Variants in ZZZ3 observed in about 807,000 individuals in gnomAD.
ZZZ3 encodes the protein ZZ-type zinc finger-containing protein 3.
Under a neutral mutation model 95.2 loss-of-function variants are expected in ZZZ3, and 22 were observed. The observed-to-expected ratio is 0.23, with a 90% CI of 0.17 to 0.33. ZZZ3 has a LOEUF of 0.33. ZZZ3 is among the 10% of genes least tolerant of loss of function. The pLI is 1.00. For missense variants in ZZZ3, 885 were observed against 1,066.5 expected, an observed-to-expected ratio of 0.83 and a Z score of 2.37; for synonymous variants, 335 against 358.9, an observed-to-expected ratio of 0.93 and a Z score of 0.75.
intron 5 of ZZZ3, among the ~76,000 whole-genome samples, chr1:77,605,621 T>G (rs367553639): frequency 6.6e-6 from 1 of 152,190 alleles, no homozygotes; most frequent in South Asian, 2.1e-4. Flanking sequence ...ATGAGGACTT[T>G]GTCTTGCATC....
chr1:77,601,893 A>T (rs954043130), intron 5 of ZZZ3, among the ~76,000 whole-genome samples: 11 of 152,180 alleles, frequency 7.2e-5, no homozygotes, highest in African/African-American at 2.7e-4. Flanking sequence ...CCAAGAGCAT[A>T]ATCAATAGGC....
intron 1 of ZZZ3, among the ~76,000 whole-genome samples, chr1:77,644,177 TG>T (rs1383190640): frequency 1.3e-5 from 2 of 152,116 alleles, no homozygotes; most frequent in Non-Finnish European, 2.9e-5. Flanking sequence ...GTGATTCTCC[TG>T]CCTCAGCCTC....
At chr1:77,598,455 G>A (rs899387062) in intron 5 of ZZZ3, among the ~76,000 whole-genome samples, 2 of 152,048 alleles carry the variant, frequency 1.3e-5, no homozygotes, top group African/African-American at 2.4e-5. Context: ...GTGGACCTGC[G>A]CAGTTTGAAC....
chr1:77,595,065 G>A (rs995820947), intron 5 of ZZZ3, among the ~76,000 whole-genome samples: 1 of 151,742 alleles, frequency 6.6e-6, no homozygotes, highest in African/African-American at 2.4e-5. Flanking sequence ...CACTTACCAT[G>A]CACATTCACT....
At chr1:77,597,369 T>C (rs572624419) in intron 5 of ZZZ3, among the ~76,000 whole-genome samples, 30 of 152,256 alleles carry the variant, frequency 2.0e-4, no homozygotes, top group Non-Finnish European at 3.8e-4. Flanking sequence ...AAATAACTTA[T>C]GCAGACACTC....
At chr1:77,578,073 C>T (rs926121233) in intron 11 of ZZZ3, among the ~76,000 whole-genome samples, 2 of 152,014 alleles carry the variant, frequency 1.3e-5, no homozygotes, top group African/African-American at 2.4e-5. Flanking sequence ...CTAGATAATT[C>T]ACTCAACATA....
rs6671452 is a variant in ZZZ3, at chr1:77,657,058, G to A, written c.-402-15403C>T. Among the ~76,000 whole-genome samples, 1,074 of 152,250 alleles carry A rather than the reference G, an allele frequency of 7.1e-3. 15 individuals are homozygous for A. The highest frequency in any genetic ancestry group is 0.024 in the African/African-American group (998 of 41,544). On this transcript the variant is annotated intron_variant, in intron 1 of 14. Transcript: ENST00000370801. ...TGCAGCGGTATGATCTCGGCTCACT[G>A]AAACCTCCGCCTCCCGGGTTCAAGT...
At chr1:77,591,373 G>A (rs185779992) in intron 5 of ZZZ3, among the ~76,000 whole-genome samples, 90 of 151,750 alleles carry the variant, frequency 5.9e-4, no homozygotes, top group African/African-American at 2.1e-3. Flanking sequence ...ATTATAGATG[G>A]TGTCTCACTC....
intron 1 of ZZZ3, among the ~76,000 whole-genome samples, chr1:77,671,469 G>A (rs940621675): frequency 3.9e-5 from 6 of 152,154 alleles, no homozygotes; most frequent in Non-Finnish European, 7.3e-5. Flanking sequence ...AAACAGTACT[G>A]AAGATACATA....
At chr1:77,626,937 T>C (rs1667393619) in intron 5 of ZZZ3, among the ~76,000 whole-genome samples, 1 of 152,302 alleles carries the variant, frequency 6.6e-6, no homozygotes, top group South Asian at 2.1e-4. Flanking sequence ...AAGTATTTCA[T>C]TCAATAAATA....
chr1:77,661,247 T>C (rs926935726), intron 1 of ZZZ3, among the ~76,000 whole-genome samples: 2 of 151,930 alleles, frequency 1.3e-5, no homozygotes, highest in Non-Finnish European at 2.9e-5. Flanking sequence ...ACCCCGTCTC[T>C]ACTAAAAAAA....
intron 1 of ZZZ3, among the ~76,000 whole-genome samples, chr1:77,652,784 G>T (rs1173452601): frequency 6.6e-6 from 1 of 152,078 alleles, no homozygotes. Flanking sequence ...AAACAGTGAG[G>T]TATTGACAAA....
At chr1:77,570,164 G>A (rs926950182) in intron 12 of ZZZ3, among the ~76,000 whole-genome samples, 2 of 152,088 alleles carry the variant, frequency 1.3e-5, no homozygotes, top group African/African-American at 4.8e-5. Flanking sequence ...GCGCAGTGGC[G>A]CGATCTTGGC....
intron 10 of ZZZ3, among the ~76,000 whole-genome samples, chr1:77,579,305 T>C (rs976048608): frequency 2.0e-5 from 3 of 152,218 alleles, no homozygotes; most frequent in African/African-American, 7.2e-5. Flanking sequence ...GTCCATTATA[T>C]GTTCATTTTT....
intron 5 of ZZZ3, among the ~76,000 whole-genome samples, chr1:77,585,223 G>A (rs1390483046): frequency 6.6e-6 from 1 of 151,998 alleles, no homozygotes; most frequent in Non-Finnish European, 1.5e-5. Flanking sequence ...GAAAGATAAA[G>A]ACAAATGTTC....
At chr1:77,639,403 A>G in intron 4 of ZZZ3, 46 bp downstream of exon 4, 1 of 1,442,950 alleles carries the variant, frequency 6.9e-7, no homozygotes. Flanking sequence ...AAGAAGAAGA[A>G]GTCAAACTAT....
intron 5 of ZZZ3, among the ~76,000 whole-genome samples, chr1:77,620,524 AG>A (rs1359391534): frequency 6.7e-6 from 1 of 150,326 alleles, no homozygotes; most frequent in Non-Finnish European, 1.5e-5. Flanking sequence ...GAAGGAAGGA[AG>A]GAAGGAAGGA....
chr1:77,632,038 C>T lies in ZZZ3; in HGVS notation c.1317G>A (p.Gly439=). The change falls in exon 5 of 15, where the codon GGG becomes GGA. Residue 439 remains glycine, a synonymous_variant. Transcript: ENST00000370801. ...NPGEISQNEK[G]ICCDSQNNGS... ...CATTATTTTGAGAGTCACAACATAT[C>T]CCTTTTTCATTTTGAGAAATTTCAC... 6.2e-7 allele frequency: 1 copy of T among 1,614,118 alleles called. No individual in the cohort carries two copies. The highest frequency in any genetic ancestry group is 8.5e-7 in the Non-Finnish European group (1 of 1,180,010).
At chr1:77,639,010 T>C (rs796414925) in intron 4 of ZZZ3, among the ~76,000 whole-genome samples, 3 of 152,184 alleles carry the variant, frequency 2.0e-5, no homozygotes, top group East Asian at 1.9e-4. Flanking sequence ...TTGTTTTACA[T>C]AAAGAGACTT....
Sources: allele counts gnomAD v4.1 joint callset (sites outside exome capture counted in the v4.1 genomes callset), GRCh38; gene constraint gnomAD v4.1.1; transcripts MANE v1.5; gene names NCBI Gene and HGNC (gene_info 2026-07-23, HGNC 2026-07-21).